AGBL3: variants seen among roughly 807,000 people sequenced by gnomAD.
The protein encoded by AGBL3 is AGBL carboxypeptidase 3.
AGBL3 carries 68 observed loss-of-function variants against 94.5 expected under a neutral mutation model. The observed-to-expected ratio is 0.72, with a 90% CI of 0.59 to 0.88. AGBL3 has a LOEUF of 0.88. Among genes scored for constraint, AGBL3 ranks in the 40% least tolerant of loss-of-function variants. AGBL3 has a pLI of 0.00. For missense variants in AGBL3, 934 were observed against 1,103.8 expected (o/e 0.85, Z 2.18); for synonymous variants, 354 against 370.7 (o/e 0.95, Z 0.52).
chr7:135,076,361 A>G lies in AGBL3; in HGVS notation c.1909-36A>G, dbSNP rs747399326. The G allele has an allele frequency of 1.8e-5, 25 of 1,401,118 alleles. No homozygotes were observed. The South Asian group carries it at 3.1e-4, about 17-fold the overall frequency. The allele number at this position is 1,401,118 out of a possible 1,614,324, so 86.8% of individuals were successfully genotyped here. ...TGCATATGTACTCTTTGATATGTTG[A>G]TTAAATATTGATTTTAAGTATGATT... On this transcript the variant is annotated intron_variant, in intron 12 of 16. Transcript: ENST00000436302.
chr7:135,010,268 C>T (rs187942285), intron 4 of AGBL3: 2 of 250,342 alleles, frequency 8.0e-6, no homozygotes, highest in Non-Finnish European at 1.5e-5. Context: ...CCTCGTGATC[C>T]GCCTGCCTCA....
intron 15 of AGBL3, among the ~76,000 whole-genome samples, chr7:135,100,465 AATAGG>A (rs1415438023): frequency 6.6e-6 from 1 of 152,220 alleles, no homozygotes; most frequent in African/African-American, 2.4e-5. Context: ...TGGATGGTGG[AATAGG>A]TAACCATAGG....
At chr7:135,034,120 CT>C (rs752416451) in intron 6 of AGBL3, 28 bp from the exon 7 acceptor site, 2 of 1,367,914 alleles carry the variant, frequency 1.5e-6, no homozygotes, top group South Asian at 2.1e-5. Context: ...TTCTTACGTG[CT>C]TTTTTCCCTT....
chr7:134,995,412 T>G (rs796792179), intron 4 of AGBL3: 3 of 152,280 alleles, frequency 2.0e-5, no homozygotes, highest in South Asian at 2.1e-4. Context: ...GCCCTCACTT[T>G]CAGCCGTCAT....
chr7:135,000,740 G>C (rs1811611735), intron 4 of AGBL3, among the ~76,000 whole-genome samples: 4 of 152,134 alleles, frequency 2.6e-5, no homozygotes, highest in Admixed American at 2.6e-4. Context: ...TTAGTAATTG[G>C]TTCTCAAATG....
At chr7:135,047,905 C>T (rs998209122) in intron 11 of AGBL3, among the ~76,000 whole-genome samples, 2 of 151,778 alleles carry the variant, frequency 1.3e-5, no homozygotes, top group Non-Finnish European at 2.9e-5. Flanking sequence ...GGGTTTGTTG[C>T]CTATGCTTTT....
At chr7:135,115,330 T>C (rs1458082314) in intron 15 of AGBL3, 50 bp from the exon 16 acceptor site, 5 of 1,211,794 alleles carry the variant, frequency 4.1e-6, no homozygotes, top group Middle Eastern at 4.5e-4. Flanking sequence ...CAATAAGTAA[T>C]TGTGAATAGA....
intron 4 of AGBL3, among the ~76,000 whole-genome samples, chr7:135,003,224 T>C (rs1811948607): frequency 6.6e-6 from 1 of 152,114 alleles, no homozygotes; most frequent in Non-Finnish European, 1.5e-5. Context: ...GGTGAGTTGT[T>C]CCAACAAAAT....
Position 135,134,924 on chromosome 7 carries a change from G to A in AGBL3, c.2426G>A (p.Gly809Glu), listed in dbSNP as rs761424217. 46 of 1,550,972 alleles carry A rather than the reference G, an allele frequency of 3.0e-5. 1 individual carries two copies. Among genetic ancestry groups the A allele is most frequent in the Non-Finnish European group, 4.0e-5 (46 of 1,146,648 alleles). ...APRNHPFVIQ[G>E]DVMANSSEWV... ...AGAAATCACCCTTTTGTAATCCAAG[G>A]GGATGTTATGGCAAACTCTTCAGAA... The change falls in exon 17 of 17, where the codon GGG becomes GAG. Residue 809 changes from glycine to glutamate, a missense_variant. Physicochemically the swap from Gly to Glu is moderately conservative, Grantham distance 98. Coordinates refer to ENST00000436302, the MANE Select transcript of AGBL3 (RefSeq NM_178563.4).
At chr7:135,089,442 C>T (rs192990968) in intron 15 of AGBL3, among the ~76,000 whole-genome samples, 15 of 152,098 alleles carry the variant, frequency 9.9e-5, no homozygotes, top group Admixed American at 2.6e-4. Flanking sequence ...TGCTTGTGTC[C>T]CTGCATTGAT....
chr7:135,112,260 T>C (rs1825748473), intron 15 of AGBL3, among the ~76,000 whole-genome samples: 1 of 152,242 alleles, frequency 6.6e-6, no homozygotes, highest in Admixed American at 6.5e-5. Context: ...TTTGTTTTCC[T>C]GGGTCCCAGT....
At chr7:135,014,173 G>A (rs1217316207) in intron 4 of AGBL3, among the ~76,000 whole-genome samples, 1 of 114,722 alleles carries the variant, frequency 8.7e-6, no homozygotes, top group African/African-American at 3.4e-5. Context: ...TCCAGCCTGG[G>A]AAACAGAGCG....
At chr7:135,121,544 G>A (rs1338572798) in intron 16 of AGBL3, among the ~76,000 whole-genome samples, 1 of 149,936 alleles carries the variant, frequency 6.7e-6, no homozygotes, top group African/African-American at 2.5e-5. Context: ...ATAGCCAAAG[G>A]GTAATAGGAA....
At chr7:135,058,892 G>T (rs1202335158) in intron 11 of AGBL3, among the ~76,000 whole-genome samples, 1 of 152,120 alleles carries the variant, frequency 6.6e-6, no homozygotes, top group Non-Finnish European at 1.5e-5. Context: ...GAGTAGCTGG[G>T]ATTACAGGCA....
In AGBL3 at chr7:135,038,958, C is replaced by CA. The variant is rs34474456; in HGVS notation, c.1500+1393dup. On this transcript the variant is annotated intron_variant, in intron 8 of 16. Coordinates refer to ENST00000436302, the MANE Select transcript of AGBL3 (RefSeq NM_178563.4). Reference sequence around the variant, plus strand: ...TGGACGATAGAGCGAGACTTTGTCTCAAAAAAAAAAAAAAACTTTTTGTGA... The same window carrying CA: ...TGGACGATAGAGCGAGACTTTGTCTCAAAAAAAAAAAAAAAACTTTTTGTGA... Among the ~76,000 whole-genome samples, 1,047 of 128,930 alleles carry CA rather than the reference C, an allele frequency of 8.1e-3. 8 individuals carry two copies. The highest frequency in any genetic ancestry group is 0.038 in the South Asian group (148 of 3,922). 84.6% of individuals were successfully genotyped at this position (128,930 alleles called of 152,430 possible). A position where few individuals can be genotyped will look rare whatever the true frequency, so the allele number is the denominator to read the frequency against.
At chr7:135,014,596 C>A (rs1813554513) in intron 4 of AGBL3, among the ~76,000 whole-genome samples, 1 of 152,156 alleles carries the variant, frequency 6.6e-6, no homozygotes, top group African/African-American at 2.4e-5. Flanking sequence ...TGGTTAGGAC[C>A]TGAAGGAGTC....
intron 16 of AGBL3, among the ~76,000 whole-genome samples, chr7:135,125,970 T>C (rs1827816547): frequency 6.6e-6 from 1 of 152,168 alleles, no homozygotes; most frequent in Non-Finnish European, 1.5e-5. Context: ...CACATTCCCT[T>C]TGAAAACCAG....
chr7:135,081,636 C>A, intron 14 of AGBL3, 83 bp from the exon 15 acceptor site: 2 of 903,758 alleles, frequency 2.2e-6, no homozygotes, highest in Admixed American at 2.3e-5. Context: ...CTAGCATTTT[C>A]CACTTTGAAA....
At chr7:134,991,574 T>C (rs1228512879) in intron 3 of AGBL3, among the ~76,000 whole-genome samples, 1 of 152,192 alleles carries the variant, frequency 6.6e-6, no homozygotes, top group Non-Finnish European at 1.5e-5. Context: ...CCATATCATA[T>C]CACCTAACCC....
Sources: gnomAD v4.1 joint callset for allele counts (sites outside exome capture counted in the v4.1 genomes callset) on GRCh38, gnomAD v4.1.1 for gene constraint, MANE v1.5 for transcripts, NCBI Gene and HGNC (gene_info 2026-07-23, HGNC 2026-07-21) for gene names.